BCL11B: variants seen among roughly 807,000 people sequenced by gnomAD.
BCL11B encodes the protein BCL11 transcription factor B, also known as B-cell lymphoma/leukemia 11B.
Under a neutral mutation model 49.9 loss-of-function variants are expected in BCL11B, and 8 were observed. The ratio of observed to expected loss-of-function variants is 0.16; its 90% CI spans 0.09 to 0.29. The LOEUF (loss-of-function observed/expected upper bound fraction) is 0.29. BCL11B is among the 10% of genes least tolerant of loss of function. BCL11B has a pLI of 1.00. For synonymous variants in BCL11B, 739 were observed against 637.4 expected (o/e 1.16, Z -2.40); for missense variants, 1,006 against 1,351.0 (o/e 0.74, Z 4.00).
intron 2 of BCL11B, among the ~76,000 whole-genome samples, chr14:99,251,480 C>T (rs969619005): frequency 6.6e-6 from 1 of 151,916 alleles, no homozygotes; most frequent in Non-Finnish European, 1.5e-5. Context: ...CCTGGCAAAA[C>T]CACAATTCCA....
intron 3 of BCL11B, among the ~76,000 whole-genome samples, chr14:99,216,456 C>A (rs1887837275): frequency 1.3e-5 from 2 of 152,230 alleles, no homozygotes; most frequent in Admixed American, 6.5e-5. Flanking sequence ...TCCACTTCCA[C>A]AGCCCTTATT....
chr14:99,272,049 C>T lies in BCL11B; in HGVS notation c.-831G>A, dbSNP rs1469705151. Among the ~76,000 whole-genome samples, 1 of 151,946 alleles carries T rather than the reference C, an allele frequency of 6.6e-6. No homozygotes were observed. The highest frequency in any genetic ancestry group is 2.4e-5 in the African/African-American group (1 of 41,398). On this transcript the variant is annotated 5_prime_UTR_variant, in exon 1 of 4. Coordinates refer to ENST00000357195, the MANE Select transcript of BCL11B (RefSeq NM_138576.4). The surrounding 1 kb of genome is among the most constrained non-coding windows in gnomAD (Gnocchi z 6.0). ...CCCCGCGAGCGCTCCCCAGCGCTCCCCTGGCGCCGCGGGCCCGGGGGGAGC... is the reference window on the plus strand; with the variant it reads ...CCCCGCGAGCGCTCCCCAGCGCTCCTCTGGCGCCGCGGGCCCGGGGGGAGC...
In BCL11B at chr14:99,262,583, G is replaced by A. The variant is rs1889367127; in HGVS notation, c.59-4744C>T. ...TCATGATGTGTACGCATGTTTACAA[G>A]AAATGTTCAGCATCCATCCGCCCGA... is the stretch of plus-strand genomic sequence containing the variant. On this transcript the variant is annotated intron_variant, in intron 1 of 3. Transcript: ENST00000357195. The surrounding 1 kb of genome is among the most constrained non-coding windows in gnomAD (Gnocchi z 4.2). 6.6e-6 allele frequency among the ~76,000 whole-genome samples: 1 copy of A among 152,206 alleles called. No individual in the cohort carries two copies. Among genetic ancestry groups the A allele is most frequent in the African/African-American group, 2.4e-5 (1 of 41,442 alleles).
At chr14:99,229,073 T>C (rs1201740834) in intron 3 of BCL11B, among the ~76,000 whole-genome samples, 1 of 147,264 alleles carries the variant, frequency 6.8e-6, no homozygotes, top group Non-Finnish European at 1.5e-5. Context: ...GATGGATGGA[T>C]GGATGGATGG....
intron 3 of BCL11B, among the ~76,000 whole-genome samples, chr14:99,206,123 C>A (rs1887527245): frequency 6.6e-6 from 1 of 152,196 alleles, no homozygotes; most frequent in Non-Finnish European, 1.5e-5. Context: ...GGACACAGAA[C>A]AAGAAGATCT....
At position 99,247,325 on chromosome 14, in the gene BCL11B, G is replaced by A. The variant is rs962861090; in HGVS notation, c.427+10146C>T. 2.0e-5 allele frequency among the ~76,000 whole-genome samples: 3 copies of A among 152,186 alleles called. No homozygotes were observed. Among genetic ancestry groups the A allele is most frequent in the Admixed American group, 6.5e-5 (1 of 15,278 alleles). ...ATTGGCTGGCTTTGAACTTGAGGTGGGAGGAGAAAAGAACCCGCTCCAGCC... is the reference window on the plus strand; with the variant it reads ...ATTGGCTGGCTTTGAACTTGAGGTGAGAGGAGAAAAGAACCCGCTCCAGCC... On this transcript the variant is annotated intron_variant, in intron 2 of 3. Coordinates refer to ENST00000357195, the MANE Select transcript of BCL11B (RefSeq NM_138576.4). The surrounding 1 kb of genome is among the most constrained non-coding windows in gnomAD (Gnocchi z 4.5).
At chr14:99,189,232 C>G (rs1479780449) in intron 3 of BCL11B, among the ~76,000 whole-genome samples, 1 of 152,254 alleles carries the variant, frequency 6.6e-6, no homozygotes, top group Non-Finnish European at 1.5e-5. Context: ...CCGTGCCAAG[C>G]TTCCTCCAGC....
chr14:99,209,950 G>C (rs980589431), intron 3 of BCL11B, among the ~76,000 whole-genome samples: 17 of 152,042 alleles, frequency 1.1e-4, no homozygotes, highest in Admixed American at 4.6e-4. Flanking sequence ...CCCATAACCA[G>C]GAAGACCTCT....
At chr14:99,244,520 C>A (rs1270376505) in intron 2 of BCL11B, among the ~76,000 whole-genome samples, 1 of 152,098 alleles carries the variant, frequency 6.6e-6, no homozygotes, top group Non-Finnish European at 1.5e-5. Flanking sequence ...GATCTTTACC[C>A]GTATTTACAG....
chr14:99,258,303 G>A lies in BCL11B; in HGVS notation c.59-464C>T, dbSNP rs548471171. Among the ~76,000 whole-genome samples the A allele has an allele frequency of 9.9e-5, 15 of 152,262 alleles. No individual in the cohort carries two copies. In the South Asian group the frequency reaches 2.9e-3, roughly 30 times the overall value. On this transcript the variant is annotated intron_variant, in intron 1 of 3. Coordinates refer to ENST00000357195, the MANE Select transcript of BCL11B (RefSeq NM_138576.4). ...ACCAGTTACACTGGGAACAAACATC[G>A]GAATAGTCTTTCAGACTCCCCAGGT...
rs1156611262 is a variant in BCL11B, at chr14:99,231,433, C to T, written c.552G>A (p.Pro184=). The change falls in exon 3 of 4, where the codon CCG becomes CCA. Residue 184 remains proline (P), a synonymous_variant. Coordinates refer to ENST00000357195, the MANE Select transcript of BCL11B (RefSeq NM_138576.4). The surrounding 1 kb of genome is among the most constrained non-coding windows in gnomAD (Gnocchi z 8.1). ...CCGAGACCGGGCGCGCGCTGCAGCA[C>T]GGCAGGGGGAGGCAGGGCGGGAGAG... ...LGALPPCLPL[P]CCSARPVSGD... The T allele has an allele frequency of 2.5e-6, 4 of 1,596,678 alleles. No individual in the cohort carries two copies. The highest frequency in any genetic ancestry group is 2.3e-5 in the South Asian group (2 of 88,442).
intron 3 of BCL11B, among the ~76,000 whole-genome samples, chr14:99,211,210 G>A (rs1595249576): frequency 6.6e-6 from 1 of 152,272 alleles, no homozygotes; most frequent in South Asian, 2.1e-4. Context: ...TCTGCCCCAG[G>A]CCTGTCTGGC....
At position 99,176,040 on chromosome 14, in the gene BCL11B, G is replaced by C. The variant is rs1290896821; in HGVS notation, c.796C>G (p.Pro266Ala). The C allele has an allele frequency of 6.3e-7, 1 of 1,590,914 alleles. No homozygotes were observed. Among genetic ancestry groups the C allele is most frequent in the African/African-American group, 1.4e-5 (1 of 73,648 alleles). ...ACGGCCTCCGGCCCGAGCGGCGGCG[G>C]GATGGTGAGCCGCGGCGTGAGCGAG... ...SSSLTPRLTI[P>A]PPLGPEAVAQ... The change falls in exon 4 of 4, where the codon CCG (proline) becomes GCG (alanine). Residue 266 changes from proline (P) to alanine (A), a missense_variant. Pro to Ala is a conservative substitution (Grantham distance 27, BLOSUM62 -1). Coordinates refer to ENST00000357195, the MANE Select transcript of BCL11B (RefSeq NM_138576.4).
chr14:99,259,202 A>T (rs1017816456), intron 1 of BCL11B, among the ~76,000 whole-genome samples: 4 of 152,130 alleles, frequency 2.6e-5, no homozygotes, highest in African/African-American at 9.7e-5. Flanking sequence ...TTTAAGTTGT[A>T]TGGTATTTAG....
At chr14:99,256,043 G>T (rs527840767) in intron 2 of BCL11B, among the ~76,000 whole-genome samples, 1 of 152,372 alleles carries the variant, frequency 6.6e-6, no homozygotes, top group South Asian at 2.1e-4. Flanking sequence ...AGCCCCTTGT[G>T]CAGGTGAGCA....
At chr14:99,203,493 T>G (rs1177694016) in intron 3 of BCL11B, among the ~76,000 whole-genome samples, 1 of 152,154 alleles carries the variant, frequency 6.6e-6, no homozygotes, top group Non-Finnish European at 1.5e-5. Context: ...CCACGTTCCA[T>G]CAGTGTCAGT....
rs758752292 is a variant in BCL11B at position 99,174,120 on chromosome 14, G to C, written c.*31C>G. 2 of 1,598,406 alleles carry C rather than the reference G, an allele frequency of 1.3e-6. No homozygotes were observed. Among genetic ancestry groups the C allele is most frequent in the Admixed American group, 3.3e-5 (2 of 59,774 alleles). ...TCTCTCGGTTGGCAACGGTTCCACTGTACAGGTGCGGGGCGCCGGGGCCCG... is the reference window on the plus strand; with the variant it reads ...TCTCTCGGTTGGCAACGGTTCCACTCTACAGGTGCGGGGCGCCGGGGCCCG... On this transcript the variant is annotated 3_prime_UTR_variant, in exon 4 of 4. Coordinates refer to ENST00000357195, the MANE Select transcript of BCL11B (RefSeq NM_138576.4).
Position 99,232,748 on chromosome 14 carries a change from C to T in BCL11B, c.428-1191G>A. ...ACAGACCAGGAAACTGATGGCGTGACTGCAGAAAACTGCAGACATCAGCAG... is the reference window on the plus strand; with the variant it reads ...ACAGACCAGGAAACTGATGGCGTGATTGCAGAAAACTGCAGACATCAGCAG... On this transcript the variant is annotated intron_variant, in intron 2 of 3. Coordinates refer to ENST00000357195, the MANE Select transcript of BCL11B (RefSeq NM_138576.4). This position sits in a 1 kb window ranked among gnomAD's most constrained non-coding sequence, Gnocchi z 5.1. Among the ~76,000 whole-genome samples, 1 of 152,242 alleles carries T rather than the reference C, an allele frequency of 6.6e-6. No homozygotes were observed. Among genetic ancestry groups the T allele is most frequent in the East Asian group, 1.9e-4 (1 of 5,198 alleles).
At chr14:99,221,932 C>T (rs1888021227) in intron 3 of BCL11B, among the ~76,000 whole-genome samples, 1 of 152,214 alleles carries the variant, frequency 6.6e-6, no homozygotes, top group Admixed American at 6.5e-5. Context: ...CTGGGGGATC[C>T]TCCCGGGAAC....
Sources: allele counts gnomAD v4.1 joint callset (sites outside exome capture counted in the v4.1 genomes callset), GRCh38; gene constraint gnomAD v4.1.1; non-coding constraint Gnocchi (gnomAD v3.1); transcripts MANE v1.5; gene names NCBI Gene and HGNC (gene_info 2026-07-23, HGNC 2026-07-21).